Variants in MAML3 observed in about 807,000 individuals in gnomAD.
MAML3 encodes mastermind-like protein 3.
MAML3 carries 27 observed loss-of-function variants against 101.9 expected under a neutral mutation model. The ratio of observed to expected loss-of-function variants is 0.27; its 90% CI spans 0.20 to 0.37. The LOEUF (loss-of-function observed/expected upper bound fraction) is 0.37, where lower values mean the gene tolerates loss of function less well. MAML3 is among the 10% of genes least tolerant of loss of function. MAML3 has a pLI of 1.00. For synonymous variants in MAML3, 501 were observed against 555.9 expected, an observed-to-expected ratio of 0.90 and a Z score of 1.39; for missense variants, 1,316 against 1,444.9, an observed-to-expected ratio of 0.91 and a Z score of 1.45.
chr4:139,818,966 A>G (rs1730931974), intron 2 of MAML3, among the ~76,000 whole-genome samples: 1 of 152,216 alleles, frequency 6.6e-6, no homozygotes, highest in Non-Finnish European at 1.5e-5. Flanking sequence ...AAATGCGGCA[A>G]ACACTTATTA....
chr4:139,956,673 G>A (rs900861454), intron 1 of MAML3, among the ~76,000 whole-genome samples: 4 of 152,198 alleles, frequency 2.6e-5, no homozygotes, highest in African/African-American at 7.2e-5. Context: ...ACAAAGCGAT[G>A]GGGAGCGATA....
chr4:139,892,303 C>T (rs1273078463), intron 1 of MAML3, among the ~76,000 whole-genome samples: 1 of 152,222 alleles, frequency 6.6e-6, no homozygotes, highest in Non-Finnish European at 1.5e-5. Context: ...TGTTCCCCAT[C>T]TCAGTATCTA....
chr4:140,124,476 C>T (rs571424130), intron 1 of MAML3, among the ~76,000 whole-genome samples: 2 of 152,254 alleles, frequency 1.3e-5, no homozygotes, highest in African/African-American at 2.4e-5. Context: ...TCAGACATCT[C>T]CAAGTTTTCT....
intron 2 of MAML3, among the ~76,000 whole-genome samples, chr4:139,814,025 A>AACACACACAC (rs70943442): frequency 0.042 from 6,022 of 145,058 alleles, 163 homozygotes; most frequent in Middle Eastern, 0.059. Flanking sequence ...CACAAACACA[A>AACACACACAC]ACACACACAC....
At chr4:140,073,403 G>T (rs1330972928) in intron 1 of MAML3, among the ~76,000 whole-genome samples, 1 of 152,144 alleles carries the variant, frequency 6.6e-6, no homozygotes, top group Non-Finnish European at 1.5e-5. Context: ...CTCCCAAAGT[G>T]CTGGGATTAC....
At chr4:139,996,789 G>A (rs533417419) in intron 1 of MAML3, among the ~76,000 whole-genome samples, 14 of 151,808 alleles carry the variant, frequency 9.2e-5, no homozygotes, top group South Asian at 4.2e-4. Flanking sequence ...GGCCAGGCAC[G>A]GTGGCTCACG....
chr4:139,896,651 T>TGA (rs869129244), intron 1 of MAML3, among the ~76,000 whole-genome samples: 292 of 150,290 alleles, frequency 1.9e-3, no homozygotes, highest in Admixed American at 4.7e-3. Flanking sequence ...TGTGTGTGTG[T>TGA]GAGAGAGAGA....
At chr4:139,789,842 A>G (rs1347364930) in intron 2 of MAML3, among the ~76,000 whole-genome samples, 2 of 152,056 alleles carry the variant, frequency 1.3e-5, no homozygotes, top group East Asian at 3.9e-4. Flanking sequence ...GAGAAGGGTG[A>G]TGAAACAGGT....
At chr4:140,121,621 T>C (rs950604436) in intron 1 of MAML3, among the ~76,000 whole-genome samples, 1 of 152,264 alleles carries the variant, frequency 6.6e-6, no homozygotes, top group African/African-American at 2.4e-5. Context: ...CATACTTTGT[T>C]AACTGGCTTT....
chr4:139,825,481 G>T (rs757825588), intron 2 of MAML3, among the ~76,000 whole-genome samples: 2 of 152,100 alleles, frequency 1.3e-5, no homozygotes, highest in African/African-American at 2.4e-5. Context: ...AGATAGTCCC[G>T]TCTATCATGC....
At chr4:140,011,810 CT>C (rs1401676717) in intron 1 of MAML3, among the ~76,000 whole-genome samples, 1 of 152,138 alleles carries the variant, frequency 6.6e-6, no homozygotes, top group Non-Finnish European at 1.5e-5. Flanking sequence ...ATACTAAGCA[CT>C]TTTCTAAAAT....
At chr4:140,011,437 C>T (rs561567350) in intron 1 of MAML3, among the ~76,000 whole-genome samples, 150 of 141,348 alleles carry the variant, frequency 1.1e-3, no homozygotes, top group Middle Eastern at 3.8e-3. Context: ...CTCCGCTTCC[C>T]GGGTTCACGC....
intron 2 of MAML3, among the ~76,000 whole-genome samples, chr4:139,863,426 C>T (rs1019824782): frequency 3.4e-5 from 5 of 148,802 alleles, no homozygotes; most frequent in East Asian, 2.0e-4. Context: ...TCTTGGCTCA[C>T]GACAACCTGC....
At chr4:139,905,429 T>A (rs11724705) in intron 1 of MAML3, among the ~76,000 whole-genome samples, 8 of 145,296 alleles carry the variant, frequency 5.5e-5, no homozygotes, top group Non-Finnish European at 8.9e-5. Flanking sequence ...GAGGCAGAGC[T>A]TGCTGTGAGC....
At chr4:140,002,693 A>C (rs562210929) in intron 1 of MAML3, among the ~76,000 whole-genome samples, 120 of 152,362 alleles carry the variant, frequency 7.9e-4, no homozygotes, top group Non-Finnish European at 1.3e-3. Flanking sequence ...GCTGCCCTCA[A>C]GGATAATATG....
At chr4:140,032,994 A>G (rs1726932248) in intron 1 of MAML3, among the ~76,000 whole-genome samples, 5 of 152,162 alleles carry the variant, frequency 3.3e-5, no homozygotes, top group Admixed American at 2.6e-4. Flanking sequence ...GTTTGTAGAA[A>G]GGGAGAAACT....
intron 2 of MAML3, among the ~76,000 whole-genome samples, chr4:139,817,112 T>C (rs1730905267): frequency 6.6e-6 from 1 of 152,172 alleles, no homozygotes; most frequent in Non-Finnish European, 1.5e-5. Flanking sequence ...TCCAACACCA[T>C]TAGCTTGGAA....
intron 2 of MAML3, among the ~76,000 whole-genome samples, chr4:139,866,229 T>A (rs1300804220): frequency 6.6e-6 from 1 of 152,234 alleles, no homozygotes; most frequent in Admixed American, 6.5e-5. Context: ...GCTTGAAGTA[T>A]AACAATTAAG....
chr4:139,737,273 C>G (rs1438676776), intron 2 of MAML3, among the ~76,000 whole-genome samples: 2 of 151,994 alleles, frequency 1.3e-5, no homozygotes, highest in Admixed American at 6.6e-5. Flanking sequence ...GCAAAACACT[C>G]TACTAGGGGC....
Sources: allele counts gnomAD v4.1 joint callset (sites outside exome capture counted in the v4.1 genomes callset), GRCh38; gene constraint gnomAD v4.1.1; transcripts MANE v1.5; gene names NCBI Gene and HGNC (gene_info 2026-07-23, HGNC 2026-07-21).